SLC30A6: variants seen among roughly 807,000 people sequenced by gnomAD.
The protein encoded by SLC30A6 is solute carrier family 30 member 6.
SLC30A6 carries 55 observed loss-of-function variants against 63.0 expected under a neutral mutation model. The observed-to-expected ratio is 0.87, with a 90% CI of 0.70 to 1.09. The LOEUF is 1.09. Ranked by LOEUF, SLC30A6 falls within the 50% of genes least tolerant of loss-of-function variation. The pLI, the probability that SLC30A6 is intolerant of heterozygous loss-of-function variation, is 0.00. For synonymous variants in SLC30A6, 224 were observed against 186.1 expected (o/e 1.20, Z -1.66); for missense variants, 587 against 549.2 (o/e 1.07, Z -0.69).
intron 10 of SLC30A6, among the ~76,000 whole-genome samples, chr2:32,198,750 A>C (rs139768513): frequency 1.2e-4 from 18 of 152,092 alleles, no homozygotes; most frequent in Middle Eastern, 3.4e-3. Context: ...CACCTGGCTA[A>C]TTTTTGTATT....
chr2:32,165,937 T>C (rs763107475), intron 1 of SLC30A6, 34 bp downstream of exon 1: 2 of 1,614,162 alleles, frequency 1.2e-6, no homozygotes, highest in Admixed American at 1.7e-5. Context: ...GTTTCGGCTG[T>C]AGCTGATTCG....
chr2:32,220,359 G>A lies in SLC30A6; in HGVS notation c.1032G>A (p.Gly344=). The change falls in exon 14 of 14, where the codon GGG becomes GGA. Residue 344 remains glycine (G), a synonymous_variant. Coordinates refer to ENST00000282587, the MANE Select transcript of SLC30A6 (RefSeq NM_017964.5). The part of the protein sequence containing the change: ...DDWIRPALLS[G]PVAANVLNFS... ...GGATTAGGCCTGCCTTATTGTCTGGGCCTGTTGCAGCCAATGTCCTAAACT... is the reference window on the plus strand; with the variant it reads ...GGATTAGGCCTGCCTTATTGTCTGGACCTGTTGCAGCCAATGTCCTAAACT... 6.2e-6 allele frequency: 10 copies of A among 1,614,088 alleles called. No individual in the cohort carries two copies. The highest frequency in any genetic ancestry group is 8.5e-6 in the Non-Finnish European group (10 of 1,180,014).
At chr2:32,182,899 C>G (rs1682455071) in intron 4 of SLC30A6, among the ~76,000 whole-genome samples, 2 of 151,972 alleles carry the variant, frequency 1.3e-5, no homozygotes, top group Non-Finnish European at 2.9e-5. Flanking sequence ...AAGAACATAC[C>G]AGTTCTCAGC....
chr2:32,182,176 A>T (rs183905477), intron 4 of SLC30A6, among the ~76,000 whole-genome samples: 6 of 151,908 alleles, frequency 3.9e-5, no homozygotes, highest in African/African-American at 1.4e-4. Context: ...CTCTCAAGTG[A>T]TCCACCTGCC....
intron 5 of SLC30A6, among the ~76,000 whole-genome samples, chr2:32,189,330 C>T (rs1040225810): frequency 1.4e-5 from 2 of 143,564 alleles, no homozygotes; most frequent in Admixed American, 7.2e-5. Flanking sequence ...CTCGCTTGGT[C>T]GCCCAGGCTG....
intron 13 of SLC30A6, among the ~76,000 whole-genome samples, chr2:32,213,895 C>T (rs1273644037): frequency 2.0e-5 from 3 of 150,506 alleles, no homozygotes; most frequent in South Asian, 2.1e-4. Flanking sequence ...CCTCCGCCTC[C>T]TGAGTTCAAG....
intron 5 of SLC30A6, among the ~76,000 whole-genome samples, chr2:32,192,022 G>A (rs1190867861): frequency 5.3e-5 from 8 of 151,830 alleles, no homozygotes; most frequent in South Asian, 2.1e-4. Flanking sequence ...ACTATAATTG[G>A]GTCCTGGTAA....
chr2:32,169,332 C>G (rs1483358947), intron 1 of SLC30A6, among the ~76,000 whole-genome samples: 1 of 152,068 alleles, frequency 6.6e-6, no homozygotes, highest in Non-Finnish European at 1.5e-5. Flanking sequence ...CTATGCCTGG[C>G]TAATTTTTTT....
rs530629636 is a variant in SLC30A6, at chr2:32,202,514, G to A, written c.666-2076G>A. The A allele has an allele frequency of 1.4e-4, 41 of 292,986 alleles. No individual in the cohort carries two copies. In the South Asian group the frequency reaches 1.4e-3, roughly 10 times the overall value. 18.1% of individuals were successfully genotyped at this position (292,986 alleles called of 1,614,324 possible). ...CCGACTATTTTTTTTTGTATTTTTA[G>A]TAGAGACGGGATTTCACCGTGTTAG... On this transcript the variant is annotated intron_variant, in intron 10 of 13. Coordinates refer to ENST00000282587, the MANE Select transcript of SLC30A6 (RefSeq NM_017964.5).
intron 12 of SLC30A6, among the ~76,000 whole-genome samples, chr2:32,207,272 G>A (rs1031974356): frequency 2.0e-5 from 3 of 151,224 alleles, no homozygotes; most frequent in South Asian, 2.1e-4. Context: ...GTGCAGTGGC[G>A]CAATCTCAGC....
At position 32,224,339 on chromosome 2, in the gene SLC30A6, A is replaced by T; in HGVS notation, c.*3626A>T. The T allele has an allele frequency of 1.6e-6, 1 of 627,188 alleles. No homozygotes were observed. 38.9% of individuals were successfully genotyped at this position (627,188 alleles called of 1,614,324 possible). On this transcript the variant is annotated 3_prime_UTR_variant, in exon 14 of 14. Transcript: ENST00000282587. The stretch of plus-strand genomic sequence containing the variant: ...GAGAGCTAAGACACAAAACTGTTGC[A>T]TGTTTTTAATCATCAAATTAAACTT...
chr2:32,218,520 CTTTTG>C (rs57425197), intron 13 of SLC30A6, among the ~76,000 whole-genome samples: 73,072 of 142,814 alleles, frequency 0.51, 18,684 homozygotes, highest in Admixed American at 0.58. Context: ...CAGCTCTCCT[CTTTTG>C]TTTTGTTTTG....
intron 2 of SLC30A6, 55 bp from the exon 3 acceptor site, chr2:32,174,008 G>T: frequency 1.5e-6 from 2 of 1,361,054 alleles, no homozygotes; most frequent in South Asian, 1.3e-5. Flanking sequence ...AACTTGAACA[G>T]ACCCCGTGAA....
intron 13 of SLC30A6, among the ~76,000 whole-genome samples, chr2:32,215,201 C>G (rs1326208024): frequency 1.3e-5 from 2 of 151,828 alleles, no homozygotes; most frequent in East Asian, 1.9e-4. Flanking sequence ...ATTTTATTTA[C>G]TCTCTTTTTT....
At chr2:32,197,933 T>C in intron 10 of SLC30A6, 107 bp downstream of exon 10, 1 of 1,349,410 alleles carries the variant, frequency 7.4e-7, no homozygotes, top group African/African-American at 1.4e-5. Context: ...TTCGCTTATG[T>C]CCTGTGTAAC....
At chr2:32,201,449 G>A (rs1684285487) in intron 10 of SLC30A6, among the ~76,000 whole-genome samples, 1 of 152,214 alleles carries the variant, frequency 6.6e-6, no homozygotes, top group South Asian at 2.1e-4. Context: ...ATTACTGATA[G>A]ATTCCATTAG....
At chr2:32,218,450 A>G (rs212699) in intron 13 of SLC30A6, among the ~76,000 whole-genome samples, 96,259 of 151,646 alleles carry the variant, frequency 0.63, 30,773 homozygotes, top group African/African-American at 0.68. Context: ...TTCCATTACT[A>G]CCTCTGGAAT....
intron 8 of SLC30A6, 78 bp downstream of exon 8, chr2:32,194,061 C>T: frequency 8.6e-7 from 1 of 1,168,618 alleles, no homozygotes; most frequent in East Asian, 2.4e-5. Flanking sequence ...GTTTCGTTCA[C>T]TCAGATCAAT....
chr2:32,177,676 T>G (rs1413000284), intron 4 of SLC30A6: 1 of 161,210 alleles, frequency 6.2e-6, no homozygotes, highest in Non-Finnish European at 1.4e-5. Context: ...TTTTTGTTTT[T>G]TTTAGATGGA....
Sources: gnomAD v4.1 joint callset for allele counts (sites outside exome capture counted in the v4.1 genomes callset) on GRCh38, gnomAD v4.1.1 for gene constraint, MANE v1.5 for transcripts, NCBI Gene and HGNC (gene_info 2026-07-23, HGNC 2026-07-21) for gene names.